The following DNAJC11 variants were observed in gnomAD, a reference collection of about 807,000 sequenced individuals.
DNAJC11 encodes the protein DnaJ heat shock protein family (Hsp40) member C11, also known as dnaJ homolog subfamily C member 11.
Under a neutral mutation model 78.6 loss-of-function variants are expected in DNAJC11, and 15 were observed. The ratio of observed to expected loss-of-function variants is 0.19; its 90% CI spans 0.13 to 0.29. DNAJC11 has a LOEUF of 0.29. DNAJC11 is among the 10% of genes least tolerant of loss of function. The pLI is 1.00. For missense variants in DNAJC11, 547 were observed against 709.6 expected (o/e 0.77, Z 2.60); for synonymous variants, 292 against 272.1 (o/e 1.07, Z -0.72).
At chr1:6,649,583 A>G (rs1187776639) in intron 7 of DNAJC11, among the ~76,000 whole-genome samples, 1 of 152,134 alleles carries the variant, frequency 6.6e-6, no homozygotes, top group Admixed American at 6.6e-5. Flanking sequence ...GCTGACCTGC[A>G]AGCCTGCCTG....
intron 1 of DNAJC11, among the ~76,000 whole-genome samples, chr1:6,688,862 T>C (rs1642698672): frequency 6.6e-6 from 1 of 152,230 alleles, no homozygotes; most frequent in South Asian, 2.1e-4. Flanking sequence ...TGGACACCCA[T>C]CTGTCTGCTC....
chr1:6,647,419 G>A (rs535680178), intron 7 of DNAJC11, among the ~76,000 whole-genome samples: 59 of 152,128 alleles, frequency 3.9e-4, no homozygotes, highest in African/African-American at 1.4e-3. Flanking sequence ...TGGCTTATTC[G>A]GCCGTAACTC....
At position 6,639,988 on chromosome 1, in the gene DNAJC11, C is replaced by T; in HGVS notation, c.1167G>A (p.Met389Ile). The T allele has an allele frequency of 1.2e-6, 2 of 1,606,376 alleles. No homozygotes were observed. The highest frequency in any genetic ancestry group is 2.2e-5 in the South Asian group (2 of 90,856). The change falls in exon 11 of 16, where the codon ATG (methionine) becomes ATA (isoleucine). Residue 389 changes from methionine to isoleucine, a missense_variant. Transcript: ENST00000377577. ...CTAGAGGCCCCACGGTGGCATAGAA[C>T]ATGGCGCTGGGCAGAAGCTGGTCCG... ...HLTDQLLPSAMFYATVGPLVV... is the reference protein window; with the variant it reads ...HLTDQLLPSAIFYATVGPLVV...
At chr1:6,657,842 T>G (rs1642153453) in intron 4 of DNAJC11, among the ~76,000 whole-genome samples, 1 of 152,214 alleles carries the variant, frequency 6.6e-6, no homozygotes, top group Non-Finnish European at 1.5e-5. Flanking sequence ...AGACGGGGTT[T>G]CACCGTGTTA....
intron 1 of DNAJC11, among the ~76,000 whole-genome samples, chr1:6,689,219 TA>T (rs1453421727): frequency 1.3e-5 from 2 of 151,886 alleles, no homozygotes; most frequent in African/African-American, 4.8e-5. Flanking sequence ...CAGAGAGAGC[TA>T]AAGGAAACAG....
At chr1:6,673,254 A>C (rs917257148) in intron 3 of DNAJC11, among the ~76,000 whole-genome samples, 1 of 151,116 alleles carries the variant, frequency 6.6e-6, no homozygotes. Context: ...GGAGTTCCAG[A>C]CCAACCCGGG....
At position 6,639,952 on chromosome 1, in the gene DNAJC11, A is replaced by G. The variant is rs971270825; in HGVS notation, c.1203T>C (p.Phe401=). Reference sequence around the variant, plus strand: ...GTTTGATGATCAGACGGTGCATGGCAAAGTAGACCACTAGAGGCCCCACGG... The same window carrying G: ...GTTTGATGATCAGACGGTGCATGGCGAAGTAGACCACTAGAGGCCCCACGG... ...YATVGPLVVY[F]AMHRLIIKPY... Residue 401 remains phenylalanine (F), a synonymous_variant, in exon 11 of 16, where the codon TTT becomes TTC. Coordinates refer to ENST00000377577, the MANE Select transcript of DNAJC11 (RefSeq NM_018198.4). 1 of 1,614,032 alleles carries G rather than the reference A, an allele frequency of 6.2e-7. No homozygotes were observed. The highest frequency in any genetic ancestry group is 1.3e-5 in the African/African-American group (1 of 74,966).
At chr1:6,689,616 T>C (rs1380759617) in intron 1 of DNAJC11, among the ~76,000 whole-genome samples, 4 of 152,054 alleles carry the variant, frequency 2.6e-5, no homozygotes, top group Non-Finnish European at 5.9e-5. Flanking sequence ...GGAGAAACCC[T>C]GTCTCTGGTA....
chr1:6,643,297 G>GA (rs1641908825), intron 10 of DNAJC11, among the ~76,000 whole-genome samples: 1 of 141,732 alleles, frequency 7.1e-6, no homozygotes, highest in Non-Finnish European at 1.5e-5. Context: ...TTTTTTTTGA[G>GA]TGGAGTCTCG....
chr1:6,656,881 A>C (rs1055616285), intron 4 of DNAJC11, among the ~76,000 whole-genome samples: 5 of 152,074 alleles, frequency 3.3e-5, no homozygotes, highest in African/African-American at 1.2e-4. Flanking sequence ...GTATCACTGC[A>C]CTCTAGCCTG....
chr1:6,655,639 G>A (rs898261026), intron 4 of DNAJC11, among the ~76,000 whole-genome samples: 10 of 152,040 alleles, frequency 6.6e-5, no homozygotes, highest in African/African-American at 1.7e-4. Context: ...CCTGGCCAAC[G>A]TGGTAGAAAC....
At chr1:6,700,149 C>T (rs575566076) in intron 1 of DNAJC11, among the ~76,000 whole-genome samples, 1 of 152,264 alleles carries the variant, frequency 6.6e-6, no homozygotes, top group African/African-American at 2.4e-5. Flanking sequence ...TGATAATGTA[C>T]TTTGTGATAT....
chr1:6,635,940 C>T (rs943724802), intron 15 of DNAJC11, among the ~76,000 whole-genome samples, 177 bp downstream of exon 15: 2 of 152,234 alleles, frequency 1.3e-5, no homozygotes, highest in Admixed American at 6.5e-5. Context: ...CCCAGCCCCC[C>T]TTTTAGGGCA....
At chr1:6,679,071 C>T (rs112077239) in intron 2 of DNAJC11, among the ~76,000 whole-genome samples, 5 of 152,292 alleles carry the variant, frequency 3.3e-5, no homozygotes, top group African/African-American at 7.2e-5. Flanking sequence ...GGAAGTGGCA[C>T]GGGCTCCTGC....
Position 6,701,765 on chromosome 1 carries a change from A to G in DNAJC11, c.36T>C (p.Asn12=). ...ATALSEEELD[N]EDYYSLLNVR... is the part of the protein sequence containing the mutation. Reference sequence around the variant, plus strand: ...CGTTCAGCAACGAGTAATAGTCTTCATTGTCCAGCTCCTCCTCGCTCAAGG... The same window carrying G: ...CGTTCAGCAACGAGTAATAGTCTTCGTTGTCCAGCTCCTCCTCGCTCAAGG... The change falls in exon 1 of 16, where the codon AAT becomes AAC. Residue 12 remains asparagine (N), a synonymous_variant. Coordinates refer to ENST00000377577, the MANE Select transcript of DNAJC11 (RefSeq NM_018198.4). The G allele has an allele frequency of 6.4e-7, 1 of 1,567,738 alleles. No individual in the cohort carries two copies. Among genetic ancestry groups the G allele is most frequent in the Non-Finnish European group, 8.6e-7 (1 of 1,159,218 alleles).
At chr1:6,642,320 C>T (rs1641890023) in intron 10 of DNAJC11, among the ~76,000 whole-genome samples, 1 of 152,176 alleles carries the variant, frequency 6.6e-6, no homozygotes, top group Admixed American at 6.5e-5. Flanking sequence ...AGCAGACACA[C>T]AAGGAGGGAG....
intron 1 of DNAJC11, among the ~76,000 whole-genome samples, chr1:6,695,464 A>G (rs1021519138): frequency 1.3e-4 from 19 of 151,972 alleles, no homozygotes; most frequent in Non-Finnish European, 2.2e-4. Flanking sequence ...TAAGTGCTTA[A>G]GCCATTATTA....
intron 1 of DNAJC11, among the ~76,000 whole-genome samples, chr1:6,686,937 T>C (rs1427475651): frequency 1.3e-5 from 2 of 152,242 alleles, no homozygotes; most frequent in African/African-American, 4.8e-5. Flanking sequence ...CCACAAACTA[T>C]ATTCTACTGG....
At chr1:6,693,344 T>C (rs902780183) in intron 1 of DNAJC11, among the ~76,000 whole-genome samples, 1 of 152,174 alleles carries the variant, frequency 6.6e-6, no homozygotes, top group African/African-American at 2.4e-5. Context: ...CATTTTTAAA[T>C]TTATTTATGT....
Sources: allele counts gnomAD v4.1 joint callset (sites outside exome capture counted in the v4.1 genomes callset), GRCh38; gene constraint gnomAD v4.1.1; transcripts MANE v1.5; gene names NCBI Gene and HGNC (gene_info 2026-07-23, HGNC 2026-07-21).